The following NPLOC4 variants were observed in gnomAD, a reference collection of about 807,000 sequenced individuals.
The protein encoded by NPLOC4 is nuclear protein localization protein 4 homolog.
NPLOC4 carries 18 observed loss-of-function variants against 80.6 expected under a neutral mutation model. That is an observed-to-expected ratio of 0.22 (90% CI 0.15 to 0.33). The LOEUF (loss-of-function observed/expected upper bound fraction) is 0.33, where lower values mean the gene tolerates loss of function less well. Ranked by LOEUF, NPLOC4 falls within the 10% of genes least tolerant of loss-of-function variation. The pLI is 1.00. For missense variants in NPLOC4, 540 were observed against 786.1 expected (o/e 0.69, Z 3.74); for synonymous variants, 313 against 301.5 (o/e 1.04, Z -0.39).
At chr17:81,602,141 T>C (rs901154144) in intron 8 of NPLOC4, among the ~76,000 whole-genome samples, 33 of 152,060 alleles carry the variant, frequency 2.2e-4, no homozygotes, top group African/African-American at 7.5e-4. Context: ...CTAGCCAGGC[T>C]CAGTGGCATA....
intron 12 of NPLOC4, among the ~76,000 whole-genome samples, chr17:81,575,064 G>A (rs998907067): frequency 5.3e-5 from 8 of 152,128 alleles, no homozygotes; most frequent in Admixed American, 4.6e-4. Flanking sequence ...GCCGCCACAG[G>A]ATAACTCAGA....
intron 15 of NPLOC4, among the ~76,000 whole-genome samples, 170 bp from the exon 16 acceptor site, chr17:81,565,777 G>A (rs143264220): frequency 0.011 from 1,628 of 152,298 alleles, 15 homozygotes; most frequent in Non-Finnish European, 0.019. Context: ...ATCTATAAAC[G>A]CAAGTGCTAA....
intron 8 of NPLOC4, among the ~76,000 whole-genome samples, chr17:81,601,573 T>C (rs2035056962): frequency 1.3e-5 from 2 of 152,148 alleles, no homozygotes; most frequent in South Asian, 4.1e-4. Context: ...ATACTTTTAA[T>C]AGAACCGTTG....
intron 3 of NPLOC4, among the ~76,000 whole-genome samples, chr17:81,617,824 G>A (rs1485477155): frequency 6.6e-6 from 1 of 152,308 alleles, no homozygotes; most frequent in Non-Finnish European, 1.5e-5. Context: ...ACGCCTGACT[G>A]GTTTTCGTAT....
Position 81,597,283 on chromosome 17 carries a change from C to G in NPLOC4, c.955G>C (p.Asp319His). ...TAGCGGACGGTACCCTTTCGGGTAT[C>G]TTCTGAGACGAGGTCTGTAAATATC... ...GWIFTDLVSE[D>H]TRKGTVRYSR... Residue 319 changes from aspartate to histidine, a missense_variant, in exon 10 of 17, where the codon GAT becomes CAT. Coordinates refer to ENST00000331134, the MANE Select transcript of NPLOC4 (RefSeq NM_017921.4). The G allele has an allele frequency of 6.2e-7, 1 of 1,613,606 alleles. No individual in the cohort carries two copies. The highest frequency in any genetic ancestry group is 8.5e-7 in the Non-Finnish European group (1 of 1,179,596).
intron 16 of NPLOC4, chr17:81,563,430 T>C (rs933450478): frequency 1.0e-4 from 15 of 149,298 alleles, no homozygotes; most frequent in African/African-American, 3.4e-4. Context: ...ATTAGTTGGG[T>C]GTAGTGGCTC....
Position 81,637,107 on chromosome 17 carries a change from C to A in NPLOC4, c.-177G>T. 5.3e-6 allele frequency: 2 copies of A among 376,672 alleles called. No individual in the cohort carries two copies. Among genetic ancestry groups the A allele is most frequent in the South Asian group, 1.8e-4 (2 of 10,876 alleles). The allele number at this position is 376,672 out of a possible 1,614,324, so 23.3% of individuals were successfully genotyped here. On this transcript the variant is annotated 5_prime_UTR_variant, in exon 1 of 17. Transcript: ENST00000331134. ...GCCGCCGACGTCCCGGTGCCTCGCTCAATACGCTCCCCTCGGGCGCGAGGC... is the reference window on the plus strand; with the variant it reads ...GCCGCCGACGTCCCGGTGCCTCGCTAAATACGCTCCCCTCGGGCGCGAGGC...
intron 12 of NPLOC4, among the ~76,000 whole-genome samples, chr17:81,583,458 A>T (rs2034495652): frequency 6.6e-6 from 1 of 152,224 alleles, no homozygotes; most frequent in East Asian, 1.9e-4. Flanking sequence ...TGTTTTCTTC[A>T]TGTTTTTCTG....
At position 81,580,665 on chromosome 17, in the gene NPLOC4, C is replaced by G. The variant is rs2034413497; in HGVS notation, c.1281+8279G>C. The stretch of plus-strand genomic sequence containing the variant: ...TCTCAGGACTCGACCCACCAGGGCA[C>G]TCCAAGCTTCTCTACCCGTTCCGCT... On this transcript the variant is annotated intron_variant, in intron 12 of 16. Coordinates refer to ENST00000331134, the MANE Select transcript of NPLOC4 (RefSeq NM_017921.4). This position sits in a 1 kb window ranked among gnomAD's most constrained non-coding sequence, Gnocchi z 4.4. Among the ~76,000 whole-genome samples the G allele has an allele frequency of 2.0e-5, 3 of 152,220 alleles. No individual in the cohort carries two copies. The highest frequency in any genetic ancestry group is 7.2e-5 in the African/African-American group (3 of 41,460).
chr17:81,586,468 G>A lies in NPLOC4; in HGVS notation c.1281+2476C>T, dbSNP rs535038829. Among the ~76,000 whole-genome samples the A allele has an allele frequency of 2.9e-3, 439 of 152,078 alleles. 2 individuals are homozygous for A. The highest frequency in any genetic ancestry group is 3.1e-3 in the Non-Finnish European group (213 of 67,992). On this transcript the variant is annotated intron_variant, in intron 12 of 16. Coordinates refer to ENST00000331134, the MANE Select transcript of NPLOC4 (RefSeq NM_017921.4). ...CTACTAAAAACACAAAAAATTAGCCGGGCAGGTGGCACACATCTGTAGTCC... is the reference window on the plus strand; with the variant it reads ...CTACTAAAAACACAAAAAATTAGCCAGGCAGGTGGCACACATCTGTAGTCC...
intron 3 of NPLOC4, among the ~76,000 whole-genome samples, chr17:81,615,031 C>T (rs2144262432): frequency 6.6e-6 from 1 of 152,170 alleles, no homozygotes; most frequent in East Asian, 1.9e-4. Context: ...TTTCTTTCCT[C>T]CTCCTCTTCC....
chr17:81,608,880 T>C (rs1280250417), intron 5 of NPLOC4, 58 bp from the exon 6 acceptor site: 3 of 1,375,946 alleles, frequency 2.2e-6, no homozygotes, highest in Non-Finnish European at 3.0e-6. Context: ...CTCCAGGCGC[T>C]GAGCCTCTGC....
At chr17:81,606,451 C>T (rs1324373185) in intron 7 of NPLOC4, among the ~76,000 whole-genome samples, 1 of 152,136 alleles carries the variant, frequency 6.6e-6, no homozygotes, top group African/African-American at 2.4e-5. Context: ...GAACATTCTG[C>T]CTCCATATGA....
At position 81,637,103 on chromosome 17, in the gene NPLOC4, C is replaced by A. The variant is rs1280028709; in HGVS notation, c.-173G>T. ...GCCAGCCGCCGACGTCCCGGTGCCT[C>A]GCTCAATACGCTCCCCTCGGGCGCG... On this transcript the variant is annotated 5_prime_UTR_variant, in exon 1 of 17. Transcript: ENST00000331134. 8.2e-6 allele frequency: 3 copies of A among 365,586 alleles called. No homozygotes were observed. The highest frequency in any genetic ancestry group is 4.7e-5 in the Admixed American group (1 of 21,192). The allele number at this position is 365,586 out of a possible 1,614,324, so 22.6% of individuals were successfully genotyped here.
intron 9 of NPLOC4, 26 bp downstream of exon 9, chr17:81,600,314 CT>C (rs2144195866): frequency 6.4e-7 from 1 of 1,573,574 alleles, no homozygotes; most frequent in East Asian, 2.3e-5. Flanking sequence ...GCCACGCCCC[CT>C]GCTTGGCTGC....
At chr17:81,626,127 C>T (rs866192040) in intron 2 of NPLOC4, among the ~76,000 whole-genome samples, 5 of 147,648 alleles carry the variant, frequency 3.4e-5, no homozygotes, top group Admixed American at 6.9e-5. Context: ...CCAGCCCAAG[C>T]GACAGAGTGA....
chr17:81,609,000 T>C (rs1302713562), intron 5 of NPLOC4, 178 bp from the exon 6 acceptor site: 2 of 504,460 alleles, frequency 4.0e-6, no homozygotes, highest in Non-Finnish European at 7.0e-6. Flanking sequence ...TTTTTCTTTT[T>C]TTAATTAATT....
At chr17:81,635,569 GC>G (rs1392040358) in intron 1 of NPLOC4, among the ~76,000 whole-genome samples, 2 of 152,020 alleles carry the variant, frequency 1.3e-5, no homozygotes, top group Non-Finnish European at 2.9e-5. Flanking sequence ...TCATTCTGTC[GC>G]CCAGGGTGGA....
intron 11 of NPLOC4, among the ~76,000 whole-genome samples, chr17:81,592,959 G>A (rs2034790751): frequency 6.6e-6 from 1 of 151,924 alleles, no homozygotes; most frequent in Non-Finnish European, 1.5e-5. Context: ...CTCCAGCCTG[G>A]GTGACAGAAC....
Sources: gnomAD v4.1 joint callset for allele counts (sites outside exome capture counted in the v4.1 genomes callset) on GRCh38, gnomAD v4.1.1 for gene constraint, Gnocchi (gnomAD v3.1) non-coding constraint, MANE v1.5 for transcripts, NCBI Gene and HGNC (gene_info 2026-07-23, HGNC 2026-07-21) for gene names.